Variants in IPO9 observed in about 807,000 individuals in gnomAD.
IPO9 encodes the protein importin-9.
IPO9 carries 28 observed loss-of-function variants against 128.6 expected under a neutral mutation model. The ratio of observed to expected loss-of-function variants is 0.22; its 90% confidence interval spans 0.16 to 0.30. The LOEUF is 0.30. Ranked by LOEUF, IPO9 falls within the 10% of genes least tolerant of loss-of-function variation. The pLI is 1.00. For synonymous variants in IPO9, 455 were observed against 475.8 expected (o/e 0.96, Z 0.57); for missense variants, 935 against 1,293.9 (o/e 0.72, Z 4.26).
chr1:201,880,773 A>G lies in IPO9; in HGVS notation c.*4719A>G, dbSNP rs573964727. 1 of 152,334 alleles carries G rather than the reference A, an allele frequency of 6.6e-6. No individual in the cohort carries two copies. The highest frequency in any genetic ancestry group is 1.9e-4 in the East Asian group (1 of 5,182). 9.4% of individuals were successfully genotyped at this position (152,334 alleles called of 1,614,324 possible). A position where few individuals can be genotyped will look rare whatever the true frequency, so the allele number is the denominator to read the frequency against. On this transcript the variant is annotated 3_prime_UTR_variant, in exon 24 of 24. Coordinates refer to ENST00000361565, the MANE Select transcript of IPO9 (RefSeq NM_018085.5). ...ATGATGGTTTGACTTCCAGTTTTTCAACTTTAGGATTGTGCAAAAGCTATA... is the reference window on the plus strand; with the variant it reads ...ATGATGGTTTGACTTCCAGTTTTTCGACTTTAGGATTGTGCAAAAGCTATA...
intron 13 of IPO9, among the ~76,000 whole-genome samples, chr1:201,859,789 A>G (rs927617675): frequency 3.9e-5 from 6 of 151,984 alleles, no homozygotes; most frequent in African/African-American, 1.5e-4. Flanking sequence ...GCGAAACCCC[A>G]TCTCTACTAA....
intron 8 of IPO9, 52 bp downstream of exon 8, chr1:201,854,975 C>A (rs1168760975): frequency 1.4e-6 from 2 of 1,466,740 alleles, no homozygotes; most frequent in Non-Finnish European, 1.9e-6. Flanking sequence ...AGTTAGGAAT[C>A]TCGCACTGGG....
rs556986429 is a variant in IPO9, at chr1:201,871,376, C to CTTTTTTTTTTTTTTTTTTTTTTTTTTTTT, written c.2576+51_2576+79dup. ...GGGCATTCTGCCACCACTCATATTTCTTTTTTTTTTTTTTTTTTTTTTTTT... is the reference window on the plus strand; with the variant it reads ...GGGCATTCTGCCACCACTCATATTTCTTTTTTTTTTTTTTTTTTTTTTTTTTTTTTTTTTTTTTTTTTTTTTTTTTTTTT... On this transcript the variant is annotated intron_variant, in intron 19 of 23. Coordinates refer to ENST00000361565, the MANE Select transcript of IPO9 (RefSeq NM_018085.5). 2 of 140,406 alleles carry CTTTTTTTTTTTTTTTTTTTTTTTTTTTTT rather than the reference C, an allele frequency of 1.4e-5. 1 individual carries two copies. The highest frequency in any genetic ancestry group is 1.3e-4 in the African/African-American group (2 of 14,832). The allele number at this position is 140,406 out of a possible 1,614,324, so 8.7% of individuals were successfully genotyped here. A position where few individuals can be genotyped will look rare whatever the true frequency, so the allele number is the denominator to read the frequency against.
chr1:201,865,817 C>T (rs1475788997), intron 14 of IPO9, among the ~76,000 whole-genome samples: 2 of 152,144 alleles, frequency 1.3e-5, no homozygotes, highest in Non-Finnish European at 2.9e-5. Context: ...TAGGACCAGA[C>T]ACGGTGGCTC....
At chr1:201,868,555 A>G (rs1193051515) in intron 15 of IPO9, 93 bp from the exon 16 acceptor site, 11 of 1,388,658 alleles carry the variant, frequency 7.9e-6, no homozygotes, top group African/African-American at 1.4e-5. Context: ...GAAGTTGTTA[A>G]CTTAGGTTAG....
intron 19 of IPO9, among the ~76,000 whole-genome samples, chr1:201,871,679 C>T (rs1680656316): frequency 1.3e-5 from 2 of 152,044 alleles, no homozygotes; most frequent in Non-Finnish European, 1.5e-5. Context: ...AGGTGTGAGC[C>T]ACTGCTCCTG....
chr1:201,831,234 G>A (rs933185601), intron 1 of IPO9, among the ~76,000 whole-genome samples: 1 of 152,180 alleles, frequency 6.6e-6, no homozygotes, highest in Non-Finnish European at 1.5e-5. Flanking sequence ...AGTCACTGAT[G>A]AGAAATAGAT....
At chr1:201,852,300 T>C in intron 5 of IPO9, 108 bp downstream of exon 5, 1 of 638,608 alleles carries the variant, frequency 1.6e-6, no homozygotes. Flanking sequence ...ACCTAAAAAC[T>C]AGAACTGACA....
intron 11 of IPO9, among the ~76,000 whole-genome samples, 200 bp downstream of exon 11, chr1:201,857,394 A>T (rs566506458): frequency 6.6e-6 from 1 of 152,318 alleles, no homozygotes; most frequent in African/African-American, 2.4e-5. Flanking sequence ...TCTAACTTAA[A>T]ACTAAATATT....
At chr1:201,862,806 CAAA>C (rs545253856) in intron 13 of IPO9, among the ~76,000 whole-genome samples, 4 of 69,890 alleles carry the variant, frequency 5.7e-5, no homozygotes, top group Non-Finnish European at 3.1e-5. Flanking sequence ...AACTTCATCT[CAAA>C]AAAAAAAAAA....
chr1:201,861,987 A>G (rs1014135612), intron 13 of IPO9, among the ~76,000 whole-genome samples: 13 of 152,284 alleles, frequency 8.5e-5, no homozygotes, highest in Middle Eastern at 3.4e-3. Flanking sequence ...CTAAGGAGGG[A>G]TGTGTACTTG....
rs762815314 is a variant in IPO9, at chr1:201,829,371, G to A, written c.162G>A (p.Glu54=). ...EEQIKVLEVT[E]EFGVHLAELT... ...AGATTAAGGTGCTGGAGGTGACGGA[G>A]GGTGAGTGAGGCGGGACCGTCACGA... Residue 54 remains glutamate, a splice_region_variant and synonymous_variant, in exon 1 of 24, where the codon GAG becomes GAA. Transcript: ENST00000361565. 1 of 1,567,302 alleles carries A rather than the reference G, an allele frequency of 6.4e-7. No homozygotes were observed. Among genetic ancestry groups the A allele is most frequent in the African/African-American group, 1.4e-5 (1 of 73,132 alleles).
chr1:201,830,044 G>A (rs1679803813), intron 1 of IPO9, among the ~76,000 whole-genome samples: 1 of 152,008 alleles, frequency 6.6e-6, no homozygotes, highest in Non-Finnish European at 1.5e-5. Flanking sequence ...TTGATTCTTT[G>A]TCTCCGTCCT....
chr1:201,855,545 T>TA (rs1293372761), intron 9 of IPO9, among the ~76,000 whole-genome samples: 1 of 152,226 alleles, frequency 6.6e-6, no homozygotes, highest in Non-Finnish European at 1.5e-5. Context: ...ACAATAGACA[T>TA]ACTGGAAAAT....
At chr1:201,833,395 C>T (rs1039830814) in intron 1 of IPO9, among the ~76,000 whole-genome samples, 3 of 151,978 alleles carry the variant, frequency 2.0e-5, no homozygotes, top group African/African-American at 7.3e-5. Flanking sequence ...CGTACCAACA[C>T]GCCAGGCTAA....
At chr1:201,856,069 A>G (rs908009254) in intron 10 of IPO9, 135 bp downstream of exon 10, 15 of 729,170 alleles carry the variant, frequency 2.1e-5, no homozygotes, top group Middle Eastern at 3.9e-4. Flanking sequence ...AAGTTCTGGG[A>G]AAGGTTTGAC....
In IPO9 at chr1:201,874,320, C is replaced by T. The variant is rs145146676; in HGVS notation, c.2781C>T (p.Asn927=). The T allele has an allele frequency of 6.2e-4, 994 of 1,613,878 alleles. 2 individuals are homozygous for T. Among genetic ancestry groups the T allele is most frequent in the Middle Eastern group, 8.2e-4 (5 of 6,066 alleles). ...ILKLIINELS[N]VMEANAARQA... The stretch of plus-strand genomic sequence containing the variant: ...AGCTGATCATCAACGAGCTCTCCAA[C>T]GTCATGGAGGCTAATGCCGCTCGCC... The change falls in exon 21 of 24, where the codon AAC becomes AAT. Residue 927 remains asparagine, a synonymous_variant. Coordinates refer to ENST00000361565, the MANE Select transcript of IPO9 (RefSeq NM_018085.5).
chr1:201,870,713 C>G lies in IPO9; in HGVS notation c.2264C>G (p.Thr755Ser), dbSNP rs954588982. 6.2e-7 allele frequency: 1 copy of G among 1,614,112 alleles called. No homozygotes were observed. The highest frequency in any genetic ancestry group is 1.7e-5 in the Admixed American group (1 of 60,012). Residue 755 changes from threonine to serine, a missense_variant, in exon 18 of 24, where the codon ACC (threonine) becomes AGC (serine). By Grantham distance (58) the Thr-to-Ser change is moderately conservative. This residue lies in a region of IPO9 where 741 missense variants were observed against 1,019.1 expected (regional missense o/e 0.73). Coordinates refer to ENST00000361565, the MANE Select transcript of IPO9 (RefSeq NM_018085.5). This position sits in a 1 kb window ranked among gnomAD's most constrained non-coding sequence, Gnocchi z 4.9. ...GTGAGCCAGCTCCTGGACCCCCGCA[C>G]CTCAGAGTTCACTGCGGCCTTTGTG... is the stretch of plus-strand genomic sequence containing the variant. ...QVVSQLLDPR[T>S]SEFTAAFVGR...
intron 1 of IPO9, among the ~76,000 whole-genome samples, chr1:201,831,472 C>T (rs1188744270): frequency 1.3e-5 from 2 of 152,086 alleles, no homozygotes; most frequent in South Asian, 2.1e-4. Context: ...AGTCTGGCTC[C>T]TTAATGTCTA....
Sources: allele counts gnomAD v4.1 joint callset (sites outside exome capture counted in the v4.1 genomes callset), GRCh38; gene constraint gnomAD v4.1.1; regional missense constraint gnomAD v4.1.1; non-coding constraint Gnocchi (gnomAD v3.1); transcripts MANE v1.5; gene names NCBI Gene and HGNC (gene_info 2026-07-23, HGNC 2026-07-21).